Variants in PRDM11 observed in about 807,000 individuals in gnomAD.
PRDM11 encodes the protein PR/SET domain 11, also known as PR domain-containing protein 11.
A neutral mutation model predicts 97.8 loss-of-function variants in PRDM11; 20 were observed. That is an observed-to-expected ratio of 0.20 (90% CI 0.14 to 0.30). PRDM11 has a LOEUF of 0.30. Ranked by LOEUF, PRDM11 falls within the 10% of genes least tolerant of loss-of-function variation. The pLI is 1.00. For synonymous variants in PRDM11, 599 were observed against 637.7 expected (o/e 0.94, Z 0.91); for missense variants, 1,139 against 1,555.2 (o/e 0.73, Z 4.50).
chr11:45,183,160 C>A, intron 4 of PRDM11, 37 bp downstream of exon 4: 1 of 1,581,066 alleles, frequency 6.3e-7, no homozygotes, highest in South Asian at 1.2e-5. Context: ...GAGAGGTTGC[C>A]AAGAAACATG....
At chr11:45,225,933 G>T (rs915385842) in intron 7 of PRDM11, 62 bp from the exon 8 acceptor site, 3 of 1,437,836 alleles carry the variant, frequency 2.1e-6, no homozygotes, top group Non-Finnish European at 2.7e-6. Context: ...GTTTCCTGTG[G>T]ATTTTGGAAA....
intron 1 of PRDM11, among the ~76,000 whole-genome samples, chr11:45,096,282 G>T (rs546787910): frequency 6.6e-6 from 1 of 152,300 alleles, no homozygotes; most frequent in Non-Finnish European, 1.5e-5. Context: ...AATAAATATA[G>T]GTGGAAATGA....
Position 45,181,807 on chromosome 11 carries a change from C to A in PRDM11, c.41C>A (p.Ala14Glu). ...NMKECLAQTN[A>E]AVGDMVTVVK... ...AAGGAGTGCTTGGCCCAGACCAATG[C>A]AGCCGTGGGGGATATGGTGACGGTG... is the stretch of plus-strand genomic sequence containing the variant. Residue 14 changes from alanine (A) to glutamate (E), a missense_variant, in exon 2 of 8, where the codon GCA (alanine) becomes GAA (glutamate). By Grantham distance (107) the Ala-to-Glu change is moderately radical (BLOSUM62 -1). This residue lies in a region of PRDM11 where 429 missense variants were observed against 510.3 expected (regional missense o/e 0.84). Transcript: ENST00000683152. 1 of 1,613,592 alleles carries A rather than the reference C, an allele frequency of 6.2e-7. No homozygotes were observed. Among genetic ancestry groups the A allele is most frequent in the Non-Finnish European group, 8.5e-7 (1 of 1,179,928 alleles).
At chr11:45,147,037 G>A (rs1171660515) in intron 1 of PRDM11, among the ~76,000 whole-genome samples, 160 bp downstream of exon 1, 1 of 145,840 alleles carries the variant, frequency 6.9e-6, no homozygotes, top group African/African-American at 2.5e-5. Flanking sequence ...GCGGGGGTCC[G>A]GACGGCGCCG....
chr11:45,108,835 C>T (rs557014717), intron 1 of PRDM11, among the ~76,000 whole-genome samples: 58 of 152,350 alleles, frequency 3.8e-4, no homozygotes, highest in African/African-American at 1.4e-3. Context: ...CACATGCACC[C>T]GCAGGCCAGG....
chr11:45,213,371 A>C, intron 5 of PRDM11: 1 of 449,266 alleles, frequency 2.2e-6, no homozygotes, highest in Non-Finnish European at 4.5e-6. Context: ...GGAGCATCCG[A>C]ATGGAGTCCC....
intron 1 of PRDM11, among the ~76,000 whole-genome samples, chr11:45,164,453 A>C (rs1852010552): frequency 6.6e-6 from 1 of 152,204 alleles, no homozygotes; most frequent in Admixed American, 6.5e-5. Flanking sequence ...GGTTTTCATG[A>C]ATCATTTCCC....
intron 1 of PRDM11, among the ~76,000 whole-genome samples, chr11:45,111,697 G>C (rs868387768): frequency 6.6e-6 from 1 of 152,064 alleles, no homozygotes; most frequent in Non-Finnish European, 1.5e-5. Flanking sequence ...CGAACCCTCC[G>C]GGCTCTGTCG....
chr11:45,158,893 G>A (rs897808147), intron 1 of PRDM11, among the ~76,000 whole-genome samples: 8 of 152,094 alleles, frequency 5.3e-5, no homozygotes, highest in Non-Finnish European at 7.4e-5. Flanking sequence ...AAGGTTGTCC[G>A]TGTCCGGGTC....
intron 1 of PRDM11, among the ~76,000 whole-genome samples, chr11:45,119,648 A>T (rs377292725): frequency 6.9e-6 from 1 of 145,862 alleles, no homozygotes; most frequent in South Asian, 2.1e-4. Context: ...AAAAAAAAAA[A>T]ACACCTGGTA....
At chr11:45,137,936 GCACACATACA>G (rs897374386) in intron 1 of PRDM11, among the ~76,000 whole-genome samples, 8 of 151,856 alleles carry the variant, frequency 5.3e-5, no homozygotes, top group South Asian at 2.1e-4. Context: ...ATACACACAC[GCACACATACA>G]CACACATACA....
chr11:45,096,025 A>C (rs1482068279), intron 1 of PRDM11: 5 of 692,890 alleles, frequency 7.2e-6, no homozygotes, highest in Non-Finnish European at 1.3e-5. Flanking sequence ...TCTTCTCATT[A>C]AAGCCCGCAT....
At chr11:45,106,415 G>T (rs1038273646) in intron 1 of PRDM11, among the ~76,000 whole-genome samples, 2 of 152,084 alleles carry the variant, frequency 1.3e-5, no homozygotes, top group Non-Finnish European at 2.9e-5. Context: ...GGTGATTTTT[G>T]CTTTCTTTGC....
intron 1 of PRDM11, among the ~76,000 whole-genome samples, chr11:45,176,488 GCT>G (rs1852331226): frequency 6.6e-6 from 1 of 152,182 alleles, no homozygotes; most frequent in Admixed American, 6.5e-5. Flanking sequence ...CAGGCATTAT[GCT>G]GTGTTAAACA....
chr11:45,218,733 G>T (rs1307866532), intron 5 of PRDM11, among the ~76,000 whole-genome samples: 1 of 152,216 alleles, frequency 6.6e-6, no homozygotes, highest in Non-Finnish European at 1.5e-5. Flanking sequence ...GCTGGATGTC[G>T]CACATGTTGT....
chr11:45,201,228 G>A (rs940772301), intron 4 of PRDM11, among the ~76,000 whole-genome samples: 1 of 152,154 alleles, frequency 6.6e-6, no homozygotes, highest in Admixed American at 6.5e-5. Flanking sequence ...GTTAAGTTTT[G>A]AGTATTTATT....
At chr11:45,175,186 T>C (rs988189589) in intron 1 of PRDM11, among the ~76,000 whole-genome samples, 2 of 152,236 alleles carry the variant, frequency 1.3e-5, no homozygotes, top group East Asian at 1.9e-4. Flanking sequence ...ACTCATGGTG[T>C]TGTACCTTCT....
chr11:45,219,665 C>G lies in PRDM11; in HGVS notation c.650C>G (p.Pro217Arg), dbSNP rs79507264. 4.0e-5 allele frequency: 65 copies of G among 1,614,114 alleles called. No individual in the cohort carries two copies. Among genetic ancestry groups the G allele is most frequent in the Non-Finnish European group, 5.5e-5 (65 of 1,180,020 alleles). Residue 217 changes from proline to arginine, a missense_variant, in exon 6 of 8, where the codon CCT becomes CGT. Physicochemically the swap from Pro to Arg is moderately radical, Grantham distance 103 (BLOSUM62 -2). Transcript: ENST00000683152. The surrounding 1 kb of genome is among the most constrained non-coding windows in gnomAD (Gnocchi z 4.2). ...TTCCGGGCGTGCAGGGACATCCGGC[C>G]TGGGGAGTGGCTGCGGGTCTGGTAC... Reference protein sequence around the residue: ...IYFRACRDIRPGEWLRVWYSE... With the variant: ...IYFRACRDIRRGEWLRVWYSE...
chr11:45,196,039 C>A (rs946567200), intron 4 of PRDM11, among the ~76,000 whole-genome samples: 2 of 152,214 alleles, frequency 1.3e-5, no homozygotes, highest in Non-Finnish European at 1.5e-5. Context: ...GGGCATAATA[C>A]CTAGGAGTGG....
Sources: gnomAD v4.1 joint callset for allele counts (sites outside exome capture counted in the v4.1 genomes callset) on GRCh38, gnomAD v4.1.1 for gene constraint, gnomAD v4.1.1 regional missense constraint, Gnocchi (gnomAD v3.1) non-coding constraint, MANE v1.5 for transcripts, NCBI Gene and HGNC (gene_info 2026-07-23, HGNC 2026-07-21) for gene names.